Variants in SANBR observed in about 807,000 individuals in gnomAD.
The protein encoded by SANBR is SANT and BTB domain regulator of class switch recombination.
Under a neutral mutation model 101.8 loss-of-function variants are expected in SANBR, and 77 were observed. The observed-to-expected ratio is 0.76, with a 90% confidence interval of 0.63 to 0.91. The LOEUF (loss-of-function observed/expected upper bound fraction) is 0.91, where lower values mean the gene tolerates loss of function less well. SANBR is among the 40% of genes least tolerant of loss of function. The probability of loss-of-function intolerance (pLI) is 0.00; values close to 1 mark genes in which losing one functional copy is unlikely to be tolerated. For synonymous variants in SANBR, 279 were observed against 274.7 expected (o/e 1.02, Z -0.15); for missense variants, 875 against 853.0 (o/e 1.03, Z -0.32).
At chr2:61,132,233 A>C (rs1246364029) in intron 20 of SANBR, among the ~76,000 whole-genome samples, 1 of 152,264 alleles carries the variant, frequency 6.6e-6, no homozygotes, top group Non-Finnish European at 1.5e-5. Flanking sequence ...AAGATAGCTT[A>C]CAGAATGTGA....
intron 6 of SANBR, among the ~76,000 whole-genome samples, chr2:61,079,486 T>C (rs964760503): frequency 6.6e-6 from 1 of 152,194 alleles, no homozygotes; most frequent in Non-Finnish European, 1.5e-5. Context: ...AATAATTTAT[T>C]GTATTCTTTA....
At chr2:61,097,999 A>G in intron 12 of SANBR, 147 bp downstream of exon 12, 1 of 526,990 alleles carries the variant, frequency 1.9e-6, no homozygotes, top group Non-Finnish European at 3.1e-6. Flanking sequence ...CTCTTCTTAG[A>G]GATAATCACT....
chr2:61,069,308 C>A (rs1681337433), intron 2 of SANBR, among the ~76,000 whole-genome samples: 1 of 152,006 alleles, frequency 6.6e-6, no homozygotes, highest in Non-Finnish European at 1.5e-5. Context: ...CAAAATAATC[C>A]CTTTATTTCT....
chr2:61,077,094 CT>C lies in SANBR; in HGVS notation c.607del (p.Trp203GlyfsTer2). Reference sequence around the variant, plus strand: ...TTCATTGCGACGTTCACATTTTCAACTGGTTGATAAAATACATTAAAAGGAA... The same window carrying C: ...TTCATTGCGACGTTCACATTTTCAACGGTTGATAAAATACATTAAAAGGAA... ...SVHCDVHIFN[W>X]LIKYIKRNTK... On this transcript the variant is annotated frameshift_variant, in exon 6 of 22. Coordinates refer to ENST00000402291, the MANE Select transcript of SANBR (RefSeq NM_001129993.3). LOFTEE classifies it high-confidence loss of function. 1 of 1,614,064 alleles carries C rather than the reference CT, an allele frequency of 6.2e-7. No homozygotes were observed. The highest frequency in any genetic ancestry group is 8.5e-7 in the Non-Finnish European group (1 of 1,179,964).
chr2:61,121,521 C>T (rs72809481), intron 21 of SANBR: 53 of 327,542 alleles, frequency 1.6e-4, no homozygotes, highest in Non-Finnish European at 2.7e-4. Context: ...TCTGAGCCAA[C>T]TCCTGATAAA....
chr2:61,088,583 G>T (rs1682580425), intron 10 of SANBR, 115 bp downstream of exon 10: 3 of 617,406 alleles, frequency 4.9e-6, no homozygotes, highest in Non-Finnish European at 7.5e-6. Flanking sequence ...GCAGTGGTGT[G>T]GTCTTGGCTG....
chr2:61,113,351 A>T (rs963015825), intron 16 of SANBR, among the ~76,000 whole-genome samples: 16 of 152,152 alleles, frequency 1.1e-4, no homozygotes, highest in Non-Finnish European at 2.9e-5. Flanking sequence ...CTGTGTGGAT[A>T]TTTCTACAAA....
At chr2:61,085,335 C>CT (rs2104883477) in intron 8 of SANBR, among the ~76,000 whole-genome samples, 1 of 151,884 alleles carries the variant, frequency 6.6e-6, no homozygotes, top group East Asian at 1.9e-4. Context: ...GGTCAAGGTT[C>CT]ATTTTTTTTT....
chr2:61,104,478 A>AG (rs1297753871), intron 13 of SANBR, among the ~76,000 whole-genome samples: 14 of 92,500 alleles, frequency 1.5e-4, no homozygotes, highest in Non-Finnish European at 2.6e-4. Context: ...CAAAAAAAAA[A>AG]GAGCAAAAAA....
At chr2:61,116,507 AAAAT>A (rs1684085960) in intron 17 of SANBR, among the ~76,000 whole-genome samples, 1 of 152,162 alleles carries the variant, frequency 6.6e-6, no homozygotes. Context: ...TTTTAAATTA[AAAAT>A]AAATCATATT....
At chr2:61,097,027 G>A (rs367585769) in intron 11 of SANBR, among the ~76,000 whole-genome samples, 52 of 152,190 alleles carry the variant, frequency 3.4e-4, no homozygotes, top group East Asian at 1.4e-3. Context: ...GGTTGTGCGC[G>A]CCTGTAATCC....
chr2:61,117,358 C>T lies in SANBR; in HGVS notation c.1838C>T (p.Ser613Leu). The part of the protein sequence containing the change: ...AQRKEKALEK[S>L]ASRDVSPFVM... ...TTAATGTTGTCTACTTTTTTTTAGT[C>T]AGCTTCTAGAGATGTGTCTCCTTTC... Residue 613 changes from serine (S) to leucine (L), a missense_variant and splice_region_variant, in exon 18 of 22, where the codon TCA becomes TTA. Ser to Leu is a moderately radical substitution (Grantham distance 145). Transcript: ENST00000402291. 1 of 1,613,448 alleles carries T rather than the reference C, an allele frequency of 6.2e-7. No individual in the cohort carries two copies. The highest frequency in any genetic ancestry group is 2.2e-5 in the East Asian group (1 of 44,852).
chr2:61,124,183 C>A lies in SANBR; in HGVS notation c.*2021C>A. ...TGGTACCGCAAACATTTTACTTAAA[C>A]TCTTAATAGCATTTCTTTCGCCAGA... On this transcript the variant is annotated 3_prime_UTR_variant, in exon 22 of 22. Transcript: ENST00000402291. 1 of 980,836 alleles carries A rather than the reference C, an allele frequency of 1.0e-6. No individual in the cohort carries two copies. Among genetic ancestry groups the A allele is most frequent in the Non-Finnish European group, 1.2e-6 (1 of 825,618 alleles). 60.8% of individuals were successfully genotyped at this position (980,836 alleles called of 1,614,324 possible).
chr2:61,079,361 C>T (rs1203292114), intron 6 of SANBR, among the ~76,000 whole-genome samples: 2 of 152,148 alleles, frequency 1.3e-5, no homozygotes, highest in Non-Finnish European at 2.9e-5. Context: ...TATGATCACA[C>T]TTGTGGTTTA....
intron 11 of SANBR, among the ~76,000 whole-genome samples, chr2:61,095,992 C>G (rs1683013396): frequency 6.6e-6 from 1 of 151,942 alleles, no homozygotes; most frequent in Non-Finnish European, 1.5e-5. Flanking sequence ...TAGGATATAC[C>G]ACCACCGCTC....
At chr2:61,126,343 A>C (rs1046515535), downstream of SANBR, among the ~76,000 whole-genome samples, 2 of 152,202 alleles carry the variant, frequency 1.3e-5, no homozygotes, top group Admixed American at 6.5e-5. Flanking sequence ...AGTTATTAAC[A>C]TCTTTTTCAT....
chr2:61,133,078 C>A (rs1573687210), intron 20 of SANBR, among the ~76,000 whole-genome samples: 1 of 152,046 alleles, frequency 6.6e-6, no homozygotes, highest in South Asian at 2.1e-4. Flanking sequence ...ATGATGAAAA[C>A]CAGTCTCTAC....
At chr2:61,104,712 T>C (rs1683469453) in intron 13 of SANBR, among the ~76,000 whole-genome samples, 1 of 152,132 alleles carries the variant, frequency 6.6e-6, no homozygotes, top group Non-Finnish European at 1.5e-5. Flanking sequence ...ATTTCTGAAG[T>C]CGCGTTCATC....
chr2:61,068,590 C>G (rs1207341711), intron 1 of SANBR, among the ~76,000 whole-genome samples: 1 of 152,220 alleles, frequency 6.6e-6, no homozygotes, highest in Non-Finnish European at 1.5e-5. Context: ...AGGTTGCACA[C>G]TGCTAGAAGT....
Sources: allele counts gnomAD v4.1 joint callset (sites outside exome capture counted in the v4.1 genomes callset), GRCh38; gene constraint gnomAD v4.1.1; transcripts MANE v1.5; gene names NCBI Gene and HGNC (gene_info 2026-07-23, HGNC 2026-07-21).